DOCK10: variants seen among roughly 807,000 people sequenced by gnomAD.
DOCK10 encodes the protein dedicator of cytokinesis protein 10.
A neutral mutation model predicts 280.1 loss-of-function variants in DOCK10; 145 were observed. The ratio of observed to expected loss-of-function variants is 0.52; its 90% confidence interval spans 0.45 to 0.59. The LOEUF is 0.59. DOCK10 is among the 20% of genes least tolerant of loss of function. The pLI, the probability that DOCK10 is intolerant of heterozygous loss-of-function variation, is 0.00. For synonymous variants in DOCK10, 915 were observed against 942.2 expected, an observed-to-expected ratio of 0.97 and a Z score of 0.53; for missense variants, 2,368 against 2,651.7, an observed-to-expected ratio of 0.89 and a Z score of 2.35.
intron 1 of DOCK10, among the ~76,000 whole-genome samples, chr2:224,997,523 C>T (rs113772493): frequency 0.06 from 9,145 of 152,190 alleles, 320 homozygotes; most frequent in Middle Eastern, 0.12. Context: ...AGAGCCACCG[C>T]GCCCGGCTGT....
rs769982433 is a variant in DOCK10 at position 224,874,680 on chromosome 2, C to T, written c.1003G>A (p.Ala335Thr). 4.8e-5 allele frequency: 78 copies of T among 1,613,764 alleles called. No individual in the cohort carries two copies. The highest frequency in any genetic ancestry group is 1.3e-4 in the East Asian group (6 of 44,868). ...ETDSSENNLH[A>T]DFAKYLTETE... ...AACTTTATTACCTTTGCAAAGTCTGCGTGTAGGTTGTTCTCTGAAGAATCT... is the reference window on the plus strand; with the variant it reads ...AACTTTATTACCTTTGCAAAGTCTGTGTGTAGGTTGTTCTCTGAAGAATCT... Residue 335 changes from alanine (A) to threonine (T), a missense_variant, in exon 9 of 56, where the codon GCA (alanine) becomes ACA (threonine). By Grantham distance (58) the Ala-to-Thr change is moderately conservative (BLOSUM62 0). Around this residue, in one of 2 missense-constraint regions of DOCK10, gnomAD observed 1,209 missense variants for 1,250.9 expected, o/e 0.97. Coordinates refer to ENST00000258390, the MANE Select transcript of DOCK10 (RefSeq NM_014689.3).
At chr2:224,802,064 G>A (rs1011539684) in intron 39 of DOCK10, 24 bp from the exon 40 acceptor site, 1 of 1,609,052 alleles carries the variant, frequency 6.2e-7, no homozygotes. Flanking sequence ...AAGAAAAGTG[G>A]TTAGAGTTAT....
intron 22 of DOCK10, among the ~76,000 whole-genome samples, chr2:224,842,555 G>T (rs1449329498): frequency 2.0e-5 from 3 of 152,108 alleles, no homozygotes; most frequent in African/African-American, 7.2e-5. Flanking sequence ...TGTAGCTTGG[G>T]TTTTCCTCAT....
At chr2:225,018,876 T>A (rs1166142565) in intron 1 of DOCK10, among the ~76,000 whole-genome samples, 1 of 148,168 alleles carries the variant, frequency 6.7e-6, no homozygotes, top group Non-Finnish European at 1.5e-5. Flanking sequence ...TACATATGTA[T>A]ATCATTATAT....
intron 1 of DOCK10, among the ~76,000 whole-genome samples, chr2:224,977,786 T>A (rs1318429943): frequency 1.3e-5 from 2 of 152,208 alleles, no homozygotes; most frequent in Non-Finnish European, 2.9e-5. Context: ...ATTTAGCAAT[T>A]TCTCTCCACT....
chr2:224,931,564 G>C lies in DOCK10; in HGVS notation c.228C>G (p.Pro76=). ...GAAGACTTACTGAAAAGTCATCACT[G>C]GGGAAGAACAAGAGATCTTGAAGAG... ...NDPLQDLLFF[P]SDDFSAATVS... Residue 76 remains proline, a synonymous_variant, in exon 2 of 56, where the codon CCC becomes CCG. Coordinates refer to ENST00000258390, the MANE Select transcript of DOCK10 (RefSeq NM_014689.3). The C allele has an allele frequency of 6.2e-7, 1 of 1,609,780 alleles. No individual in the cohort carries two copies. Among genetic ancestry groups the C allele is most frequent in the Non-Finnish European group, 8.5e-7 (1 of 1,177,936 alleles).
rs117915228 is a variant in DOCK10, at chr2:224,998,493, G to C, written c.123+43759C>G. Among the ~76,000 whole-genome samples, 154 of 152,160 alleles carry C rather than the reference G, an allele frequency of 1.0e-3. 2 individuals carry two copies. The East Asian group carries it at 0.028, about 27-fold the overall frequency. On this transcript the variant is annotated intron_variant, in intron 1 of 55. Transcript: ENST00000258390. ...TTTCCCTTCTCTGGAAACAATCTCT[G>C]TACTCTCATCTCTTCCAGGGTCTTG... is the stretch of plus-strand genomic sequence containing the variant.
intron 1 of DOCK10, among the ~76,000 whole-genome samples, chr2:224,986,350 G>A (rs1199207317): frequency 6.6e-6 from 1 of 152,114 alleles, no homozygotes; most frequent in East Asian, 1.9e-4. Flanking sequence ...TTCACACACT[G>A]TGAGTTTCTG....
intron 1 of DOCK10, among the ~76,000 whole-genome samples, chr2:224,984,860 G>A (rs995602932): frequency 5.5e-5 from 4 of 72,406 alleles, no homozygotes; most frequent in African/African-American, 1.6e-4. Context: ...TTTTTTTTTT[G>A]AGGTTGAGTT....
chr2:224,826,739 TTATCTATCTATCTATCTATC>T (rs3083079), intron 27 of DOCK10, among the ~76,000 whole-genome samples: 48 of 145,286 alleles, frequency 3.3e-4, no homozygotes, highest in African/African-American at 5.9e-4. Context: ...ATATATATAA[TTATCTATCTATCTATCTATC>T]TATCTATCTA....
At position 224,853,104 on chromosome 2, in the gene DOCK10, A is replaced by C; in HGVS notation, c.1907T>G (p.Phe636Cys). The change falls in exon 17 of 56, where the codon TTT becomes TGT. Residue 636 changes from phenylalanine to cysteine, a missense_variant. Physicochemically the swap from Phe to Cys is radical, Grantham distance 205 (BLOSUM62 -2). Transcript: ENST00000258390. ...CATGTTGAAAGGCTTGACAGGGATA[A>C]AGGACGATGTTACACAATCTTAAAA... The part of the protein sequence containing the change: ...LEHPNCVTSS[F>C]IPVKPFNMMA... The C allele has an allele frequency of 6.2e-7, 1 of 1,600,408 alleles. No individual in the cohort carries two copies. Among genetic ancestry groups the C allele is most frequent in the Non-Finnish European group, 8.5e-7 (1 of 1,172,648 alleles).
intron 19 of DOCK10, among the ~76,000 whole-genome samples, chr2:224,846,147 A>G (rs1291509063): frequency 1.3e-5 from 2 of 152,206 alleles, no homozygotes; most frequent in Non-Finnish European, 2.9e-5. Context: ...TTACTTTTTT[A>G]TTGTGATGGA....
rs550910033 is a variant in DOCK10 at position 224,957,287 on chromosome 2, C to G, written c.124-25619G>C. 4.2e-5 allele frequency among the ~76,000 whole-genome samples: 6 copies of G among 143,192 alleles called. No individual in the cohort carries two copies. The East Asian group carries it at 1.2e-3, about 28-fold the overall frequency. 93.9% of individuals were successfully genotyped at this position (143,192 alleles called of 152,430 possible). A position where few individuals can be genotyped will look rare whatever the true frequency, so the allele number is the denominator to read the frequency against. On this transcript the variant is annotated intron_variant, in intron 1 of 55. Transcript: ENST00000258390. ...CTAGTATTTAGTTTTTACTTTCCGC[C>G]CCCCCCCGGCTTTGTTTTTCGGAGA... is the stretch of plus-strand genomic sequence containing the variant.
At chr2:224,826,915 A>C (rs1311952671) in intron 27 of DOCK10, among the ~76,000 whole-genome samples, 1 of 151,760 alleles carries the variant, frequency 6.6e-6, no homozygotes, top group East Asian at 1.9e-4. Flanking sequence ...GTGAGCTATG[A>C]TTGTGCCACT....
chr2:224,887,161 T>C (rs1699353125), intron 4 of DOCK10, among the ~76,000 whole-genome samples: 1 of 152,128 alleles, frequency 6.6e-6, no homozygotes. Flanking sequence ...TTCCCCCACA[T>C]TTGTAGGTGG....
At chr2:224,789,686 G>A (rs1053321397) in intron 47 of DOCK10, among the ~76,000 whole-genome samples, 1 of 152,056 alleles carries the variant, frequency 6.6e-6, no homozygotes, top group African/African-American at 2.4e-5. Flanking sequence ...GCTGGAGTGA[G>A]CTATCACCAT....
intron 1 of DOCK10, among the ~76,000 whole-genome samples, chr2:225,024,883 T>C (rs1689878428): frequency 6.6e-6 from 1 of 151,456 alleles, no homozygotes; most frequent in Non-Finnish European, 1.5e-5. Context: ...AATGAAACTC[T>C]GTTTCAAAAA....
Position 224,778,180 on chromosome 2 carries a change from T to C in DOCK10, c.5760A>G (p.Lys1920=), listed in dbSNP as rs576255947. 1 of 1,613,562 alleles carries C rather than the reference T, an allele frequency of 6.2e-7. No individual in the cohort carries two copies. The highest frequency in any genetic ancestry group is 8.5e-7 in the Non-Finnish European group (1 of 1,179,660). ...SQRLLKLYAD[K]FGADNVKIIQ... ...TTATCTTCACATTGTCTGCTCCAAA[T>C]TTATCTGCATAGAGCTTGAGTAATC... is the stretch of plus-strand genomic sequence containing the variant. Residue 1920 remains lysine, a synonymous_variant, in exon 51 of 56, where the codon AAA becomes AAG. Transcript: ENST00000258390.
chr2:224,801,919 T>C lies in DOCK10; in HGVS notation c.4390A>G (p.Thr1464Ala). Residue 1464 changes from threonine to alanine, a missense_variant, in exon 40 of 56, where the codon ACC becomes GCC. Around this residue, in one of 2 missense-constraint regions of DOCK10, gnomAD observed 1,159 missense variants for 1,400.8 expected, o/e 0.83. Coordinates refer to ENST00000258390, the MANE Select transcript of DOCK10 (RefSeq NM_014689.3). Reference sequence around the variant, plus strand: ...CCTATTATTTCAGTTTACTTACTGGTCATGGTATTGTCTAACATCTGTAAG... The same window carrying C: ...CCTATTATTTCAGTTTACTTACTGGCCATGGTATTGTCTAACATCTGTAAG... ...KLLQMLDNTM[T>A]SNSNEIDIVH... 6.2e-7 allele frequency: 1 copy of C among 1,612,750 alleles called. No homozygotes were observed. The highest frequency in any genetic ancestry group is 8.5e-7 in the Non-Finnish European group (1 of 1,179,114).
Sources: allele counts gnomAD v4.1 joint callset (sites outside exome capture counted in the v4.1 genomes callset), GRCh38; gene constraint gnomAD v4.1.1; regional missense constraint gnomAD v4.1.1; transcripts MANE v1.5; gene names NCBI Gene and HGNC (gene_info 2026-07-23, HGNC 2026-07-21).